The following TPH1 variants were observed in gnomAD, a reference collection of about 807,000 sequenced individuals.
TPH1 encodes the protein tryptophan 5-hydroxylase 1.
Under a neutral mutation model 49.5 loss-of-function variants are expected in TPH1, and 37 were observed. The ratio of observed to expected loss-of-function variants is 0.75; its 90% confidence interval spans 0.58 to 0.98. The LOEUF (loss-of-function observed/expected upper bound fraction) is 0.98. Ranked by LOEUF, TPH1 falls within the 50% of genes least tolerant of loss-of-function variation. TPH1 has a pLI of 0.00. For synonymous variants in TPH1, 160 were observed against 182.1 expected, an observed-to-expected ratio of 0.88 and a Z score of 0.98; for missense variants, 487 against 523.6, an observed-to-expected ratio of 0.93 and a Z score of 0.68.
intron 1 of TPH1, among the ~76,000 whole-genome samples, chr11:18,043,317 A>G (rs1171881973): frequency 6.6e-6 from 1 of 152,200 alleles, no homozygotes; most frequent in East Asian, 1.9e-4. Context: ...ATATAAAACT[A>G]TATGAGGCCA....
At chr11:18,035,559 G>T (rs1299505112) in intron 3 of TPH1, among the ~76,000 whole-genome samples, 1 of 151,568 alleles carries the variant, frequency 6.6e-6, no homozygotes, top group Non-Finnish European at 1.5e-5. Context: ...CTCCAGAGTA[G>T]CTGGGACCAT....
Position 18,023,063 on chromosome 11 carries a change from C to G in TPH1, c.1027-132G>C, listed in dbSNP as rs1854381772. The G allele has an allele frequency of 5.0e-6, 5 of 1,001,266 alleles. 1 individual carries two copies. The highest frequency in any genetic ancestry group is 6.0e-6 in the Non-Finnish European group (4 of 667,970). 62.0% of individuals were successfully genotyped at this position (1,001,266 alleles called of 1,614,324 possible). ...CAATCTACAATTCCAAACTTATTTCCTATAGCTCTATTCAACCCACAGTAC... is the reference window on the plus strand; with the variant it reads ...CAATCTACAATTCCAAACTTATTTCGTATAGCTCTATTCAACCCACAGTAC... On this transcript the variant is annotated intron_variant, in intron 9 of 10. Coordinates refer to ENST00000682019, the MANE Select transcript of TPH1 (RefSeq NM_004179.3).
intron 4 of TPH1, among the ~76,000 whole-genome samples, chr11:18,031,584 T>C (rs912306574): frequency 6.6e-5 from 10 of 152,102 alleles, no homozygotes; most frequent in Admixed American, 5.9e-4. Context: ...GTGACAAGGC[T>C]AAAAGAAGGG....
chr11:18,026,413 AAAAAG>A, intron 7 of TPH1, 72 bp downstream of exon 7: 32 of 1,269,380 alleles, frequency 2.5e-5, no homozygotes, highest in Admixed American at 1.7e-4. Flanking sequence ...AAAAAAAAAA[AAAAAG>A]AACCCATAAG....
chr11:18,029,621 A>T (rs769770716), intron 4 of TPH1, 42 bp from the exon 5 acceptor site: 3 of 1,486,410 alleles, frequency 2.0e-6, no homozygotes, highest in Admixed American at 1.7e-5. Context: ...ATACTAAAAA[A>T]TACTTGACAA....
chr11:18,039,036 A>C (rs981316268), intron 2 of TPH1, among the ~76,000 whole-genome samples: 2 of 152,178 alleles, frequency 1.3e-5, no homozygotes, highest in African/African-American at 4.8e-5. Context: ...ACCACCAAAA[A>C]AACTAACGAC....
chr11:18,021,312 C>T (rs1006396243), intron 10 of TPH1, 147 bp from the exon 11 acceptor site: 1 of 760,230 alleles, frequency 1.3e-6, no homozygotes, highest in African/African-American at 1.7e-5. Flanking sequence ...CTTCTCTACA[C>T]TACATTTGCA....
At chr11:18,042,159 T>C (rs1848103754) in intron 1 of TPH1, among the ~76,000 whole-genome samples, 1 of 152,098 alleles carries the variant, frequency 6.6e-6, no homozygotes. Flanking sequence ...CATGAGTCTC[T>C]GCTGAGAAAG....
chr11:18,035,162 T>C (rs1848031631), intron 3 of TPH1, among the ~76,000 whole-genome samples: 1 of 152,232 alleles, frequency 6.6e-6, no homozygotes, highest in African/African-American at 2.4e-5. Context: ...TTGTGTGTCA[T>C]TTCATAGTTG....
Position 18,040,710 on chromosome 11 carries a change from G to C in TPH1, c.53C>G (p.Ala18Gly). Residue 18 changes from alanine to glycine, a missense_variant, in exon 2 of 11, where the codon GCA becomes GGA. By Grantham distance (60) the Ala-to-Gly change is moderately conservative. Transcript: ENST00000682019. Reference sequence around the variant, plus strand: ...ATTCTTTAAGGAAAAAATGAGACTTGCTCTTCCCCTTTCTAAGGAATGGTC... The same window carrying C: ...ATTCTTTAAGGAAAAAATGAGACTTCCTCTTCCCCTTTCTAAGGAATGGTC... Reference protein sequence around the residue: ...NKDHSLERGRASLIFSLKNEV... With the variant: ...NKDHSLERGRGSLIFSLKNEV... 2 of 1,612,024 alleles carry C rather than the reference G, an allele frequency of 1.2e-6. No individual in the cohort carries two copies. Among genetic ancestry groups the C allele is most frequent in the Non-Finnish European group, 1.7e-6 (2 of 1,178,742 alleles).
intron 6 of TPH1, among the ~76,000 whole-genome samples, chr11:18,027,847 A>G (rs1391670195): frequency 5.9e-5 from 9 of 152,252 alleles, no homozygotes; most frequent in African/African-American, 1.4e-4. Context: ...AACCACTTAC[A>G]TAATTTCTTC....
At chr11:18,029,430 C>A (rs1313285333) in intron 5 of TPH1, 69 bp from the exon 6 acceptor site, 2 of 1,561,308 alleles carry the variant, frequency 1.3e-6, no homozygotes, top group Admixed American at 1.7e-5. Flanking sequence ...ATTTCACTTT[C>A]TACTTACCAA....
intron 8 of TPH1, among the ~76,000 whole-genome samples, chr11:18,024,842 T>C (rs1039576516): frequency 3.3e-5 from 5 of 152,226 alleles, no homozygotes; most frequent in African/African-American, 9.6e-5. Flanking sequence ...AGCTTCTTGC[T>C]GTTTCCCCAG....
intron 1 of TPH1, among the ~76,000 whole-genome samples, 121 bp downstream of exon 1, chr11:18,046,120 C>T (rs900212918): frequency 1.3e-5 from 2 of 152,226 alleles, no homozygotes; most frequent in African/African-American, 4.8e-5. Context: ...CCAAATCTGA[C>T]TCCGCAAGAC....
At position 18,025,690 on chromosome 11, in the gene TPH1, T is replaced by C. The variant is rs748567679; in HGVS notation, c.815A>G (p.His272Arg). The C allele has an allele frequency of 6.8e-6, 11 of 1,613,874 alleles. No individual in the cohort carries two copies. Among genetic ancestry groups the C allele is most frequent in the African/African-American group, 6.7e-5 (5 of 74,926 alleles). Reference protein sequence around the residue: ...PFYTPEPDTCHELLGHVPLLA... With the variant: ...PFYTPEPDTCRELLGHVPLLA... ...AAGCGGGACATGACCTAAGAGTTCA[T>C]GGCAGGTATCTCTGAAAGAGAGGTA... Residue 272 changes from histidine to arginine, a missense_variant, in exon 8 of 11, where the codon CAT becomes CGT. His to Arg is a conservative substitution (Grantham distance 29). Coordinates refer to ENST00000682019, the MANE Select transcript of TPH1 (RefSeq NM_004179.3).
intron 10 of TPH1, 21 bp downstream of exon 10, chr11:18,022,777 C>G (rs1367650582): frequency 1.2e-6 from 2 of 1,611,008 alleles, no homozygotes; most frequent in Admixed American, 1.7e-5. Flanking sequence ...AAAATGAAGG[C>G]GTGAAGAAGA....
At chr11:18,030,829 T>A (rs1000195487) in intron 4 of TPH1, among the ~76,000 whole-genome samples, 1 of 152,074 alleles carries the variant, frequency 6.6e-6, no homozygotes, top group African/African-American at 2.4e-5. Flanking sequence ...TAAGAAAATA[T>A]AAGCAACCCC....
chr11:18,027,354 A>G (rs1847939837), intron 6 of TPH1, among the ~76,000 whole-genome samples: 1 of 152,172 alleles, frequency 6.6e-6, no homozygotes, highest in Non-Finnish European at 1.5e-5. Flanking sequence ...TCCGGTAAAA[A>G]TTTCCATAGT....
chr11:18,044,377 A>C (rs1848123215), intron 1 of TPH1, among the ~76,000 whole-genome samples: 1 of 151,980 alleles, frequency 6.6e-6, no homozygotes, highest in Admixed American at 6.6e-5. Flanking sequence ...AGCCAGGATC[A>C]CGCCACTGCA....
Sources: allele counts gnomAD v4.1 joint callset (sites outside exome capture counted in the v4.1 genomes callset), GRCh38; gene constraint gnomAD v4.1.1; transcripts MANE v1.5; gene names NCBI Gene and HGNC (gene_info 2026-07-23, HGNC 2026-07-21).